Variants in CTNNA3 observed in about 807,000 individuals in gnomAD.
The protein encoded by CTNNA3 is catenin alpha-3.
A neutral mutation model predicts 95.7 loss-of-function variants in CTNNA3; 76 were observed. The ratio of observed to expected loss-of-function variants is 0.79; its 90% CI spans 0.66 to 0.96. The LOEUF (loss-of-function observed/expected upper bound fraction) is 0.96, where lower values mean the gene tolerates loss of function less well. Ranked by LOEUF, CTNNA3 falls within the 40% of genes least tolerant of loss-of-function variation. The pLI is 0.00. For missense variants in CTNNA3, 1,191 were observed against 1,089.8 expected, an observed-to-expected ratio of 1.09 and a Z score of -1.31; for synonymous variants, 431 against 374.4, an observed-to-expected ratio of 1.15 and a Z score of -1.74.
intron 7 of CTNNA3, among the ~76,000 whole-genome samples, chr10:67,157,849 A>G (rs1861379114): frequency 6.6e-6 from 1 of 152,172 alleles, no homozygotes; most frequent in Admixed American, 6.5e-5. Flanking sequence ...AAAAGTCTCA[A>G]TTATTGAACA....
At chr10:67,492,984 T>C (rs1005782337) in intron 5 of CTNNA3, among the ~76,000 whole-genome samples, 1 of 152,156 alleles carries the variant, frequency 6.6e-6, no homozygotes, top group African/African-American at 2.4e-5. Context: ...AATTAACAAT[T>C]TTAAACTGTT....
At chr10:66,237,816 A>G (rs2089928574) in intron 13 of CTNNA3, among the ~76,000 whole-genome samples, 1 of 152,156 alleles carries the variant, frequency 6.6e-6, no homozygotes, top group African/African-American at 2.4e-5. Flanking sequence ...TAATCATACA[A>G]AGTCCATATC....
chr10:67,493,395 A>G, intron 5 of CTNNA3, among the ~76,000 whole-genome samples: 1 of 152,034 alleles, frequency 6.6e-6, no homozygotes, highest in East Asian at 1.9e-4. Context: ...CCCCGTCTCT[A>G]CTAAAAAATA....
At chr10:65,966,983 G>T (rs1025293649) in intron 16 of CTNNA3, among the ~76,000 whole-genome samples, 2 of 152,078 alleles carry the variant, frequency 1.3e-5, no homozygotes, top group African/African-American at 4.8e-5. Flanking sequence ...TTGAGATGGA[G>T]TCTCGCTCTG....
At chr10:67,690,725 A>C (rs1037843990) in intron 1 of CTNNA3, among the ~76,000 whole-genome samples, 5 of 152,186 alleles carry the variant, frequency 3.3e-5, no homozygotes, top group Admixed American at 6.5e-5. Flanking sequence ...TTCACCTCTC[A>C]AGAGGAGATA....
intron 11 of CTNNA3, among the ~76,000 whole-genome samples, chr10:66,422,569 T>C (rs966480429): frequency 6.6e-6 from 1 of 152,146 alleles, no homozygotes; most frequent in African/African-American, 2.4e-5. Context: ...GCTGTTTTTC[T>C]ATTGTTGATA....
intron 5 of CTNNA3, among the ~76,000 whole-genome samples, chr10:67,237,527 T>C (rs1484585915): frequency 6.6e-6 from 1 of 151,746 alleles, no homozygotes; most frequent in Non-Finnish European, 1.5e-5. Context: ...CCCCAATAAC[T>C]TATGGAAATT....
intron 11 of CTNNA3, among the ~76,000 whole-genome samples, chr10:66,417,980 A>G (rs1213112013): frequency 6.6e-6 from 1 of 151,822 alleles, no homozygotes; most frequent in East Asian, 1.9e-4. Context: ...GAACCAAACC[A>G]AACATTAGCA....
At chr10:67,609,541 C>A (rs1481103316) in intron 2 of CTNNA3, among the ~76,000 whole-genome samples, 2 of 152,044 alleles carry the variant, frequency 1.3e-5, no homozygotes, top group Non-Finnish European at 2.9e-5. Context: ...CCCAATAGAT[C>A]CTCTGTTTCA....
intron 5 of CTNNA3, among the ~76,000 whole-genome samples, chr10:67,449,875 T>C (rs921936358): frequency 6.6e-6 from 1 of 151,612 alleles, no homozygotes; most frequent in African/African-American, 2.4e-5. Flanking sequence ...ACAACCTAAA[T>C]AGTAGGAAAA....
At chr10:66,806,672 C>A (rs1841655793) in intron 7 of CTNNA3, among the ~76,000 whole-genome samples, 1 of 151,642 alleles carries the variant, frequency 6.6e-6, no homozygotes, top group South Asian at 2.1e-4. Flanking sequence ...CCTGAGACCA[C>A]ATTCTCTATA....
intron 13 of CTNNA3, among the ~76,000 whole-genome samples, chr10:66,138,198 T>C (rs890681437): frequency 6.6e-6 from 1 of 152,168 alleles, no homozygotes; most frequent in Non-Finnish European, 1.5e-5. Flanking sequence ...AGACAAAGTT[T>C]GAAACTTTCT....
chr10:66,298,375 A>C (rs2091812598), intron 12 of CTNNA3, among the ~76,000 whole-genome samples: 1 of 152,198 alleles, frequency 6.6e-6, no homozygotes, highest in African/African-American at 2.4e-5. Flanking sequence ...ATAATGAAAT[A>C]ATCATAAAAT....
At chr10:66,587,081 G>C (rs1843383966) in intron 10 of CTNNA3, among the ~76,000 whole-genome samples, 1 of 152,106 alleles carries the variant, frequency 6.6e-6, no homozygotes, top group Non-Finnish European at 1.5e-5. Context: ...TGATGGGGGT[G>C]GGTGGGGAGT....
intron 3 of CTNNA3, among the ~76,000 whole-genome samples, chr10:67,563,476 T>A (rs1305462506): frequency 6.6e-6 from 1 of 152,142 alleles, no homozygotes; most frequent in East Asian, 1.9e-4. Flanking sequence ...CCTTACACCT[T>A]ATACAAAAAT....
intron 3 of CTNNA3, among the ~76,000 whole-genome samples, chr10:67,555,596 A>G (rs546169016): frequency 6.6e-5 from 10 of 152,276 alleles, no homozygotes; most frequent in Admixed American, 3.3e-4. Flanking sequence ...ATTTTTGTAC[A>G]TTGATTTTGT....
intron 7 of CTNNA3, among the ~76,000 whole-genome samples, chr10:67,140,356 A>G (rs1860498163): frequency 6.6e-6 from 1 of 152,146 alleles, no homozygotes; most frequent in African/African-American, 2.4e-5. Context: ...ATTTATGATT[A>G]TTTTGTATTA....
chr10:66,800,978 CA>C (rs1037348631), intron 7 of CTNNA3, among the ~76,000 whole-genome samples: 2 of 150,328 alleles, frequency 1.3e-5, no homozygotes, highest in East Asian at 1.9e-4. Flanking sequence ...TTTTCACATA[CA>C]AAAAAAAATT....
intron 5 of CTNNA3, among the ~76,000 whole-genome samples, chr10:67,485,459 G>C (rs1564684620): frequency 6.6e-6 from 1 of 152,040 alleles, no homozygotes; most frequent in Non-Finnish European, 1.5e-5. Context: ...ATATAACCAT[G>C]TACATGTACA....
Sources: allele counts gnomAD v4.1 joint callset (sites outside exome capture counted in the v4.1 genomes callset), GRCh38; gene constraint gnomAD v4.1.1; transcripts MANE v1.5; gene names NCBI Gene and HGNC (gene_info 2026-07-23, HGNC 2026-07-21).